The following RGS7 variants were observed in gnomAD, a reference collection of about 807,000 sequenced individuals.
RGS7 encodes the protein regulator of G protein signaling 7.
Under a neutral mutation model 81.1 loss-of-function variants are expected in RGS7, and 27 were observed. The observed-to-expected ratio is 0.33, with a 90% confidence interval of 0.25 to 0.46. The LOEUF is 0.46. RGS7 is among the 20% of genes least tolerant of loss of function. The probability of loss-of-function intolerance (pLI) is 1.00; values close to 1 mark genes in which losing one functional copy is unlikely to be tolerated. For synonymous variants in RGS7, 208 were observed against 207.7 expected, an observed-to-expected ratio of 1.00 and a Z score of -0.01; for missense variants, 396 against 607.4, an observed-to-expected ratio of 0.65 and a Z score of 3.66.
chr1:241,272,856 C>A (rs773189782), intron 2 of RGS7, among the ~76,000 whole-genome samples: 1 of 152,168 alleles, frequency 6.6e-6, no homozygotes, highest in Non-Finnish European at 1.5e-5. Flanking sequence ...CAAAAAAATT[C>A]TCCATTTCTG....
At chr1:240,812,992 A>G (rs1445351465) in intron 13 of RGS7, among the ~76,000 whole-genome samples, 1 of 152,198 alleles carries the variant, frequency 6.6e-6, no homozygotes, top group Non-Finnish European at 1.5e-5. Context: ...GAGACCAGAA[A>G]TGCAATCTAG....
chr1:241,156,006 A>G lies in RGS7; in HGVS notation c.79-57244T>C, dbSNP rs1203393574. Reference sequence around the variant, plus strand: ...CTAGTCAAACATCAATCATAGTCCTACACACAAATGATGTCAAGTGCTAGG... The same window carrying G: ...CTAGTCAAACATCAATCATAGTCCTGCACACAAATGATGTCAAGTGCTAGG... On this transcript the variant is annotated intron_variant, in intron 2 of 18. Coordinates refer to ENST00000440928, the MANE Select transcript of RGS7 (RefSeq NM_001364886.1). Among the ~76,000 whole-genome samples, 3 of 152,132 alleles carry G rather than the reference A, an allele frequency of 2.0e-5. No individual in the cohort carries two copies. In the South Asian group the frequency reaches 6.2e-4, roughly 32 times the overall value.
chr1:241,310,719 T>G (rs998352300), intron 2 of RGS7, among the ~76,000 whole-genome samples: 26 of 152,310 alleles, frequency 1.7e-4, no homozygotes, highest in Non-Finnish European at 5.9e-5. Context: ...CCTTAAATGC[T>G]TCTCTTACCC....
chr1:240,940,982 C>T (rs1021082996), intron 4 of RGS7, among the ~76,000 whole-genome samples: 10 of 152,130 alleles, frequency 6.6e-5, no homozygotes, highest in African/African-American at 2.4e-4. Context: ...TAGTAAAATT[C>T]TCCTTCCTTT....
intron 14 of RGS7, among the ~76,000 whole-genome samples, chr1:240,809,942 G>C (rs1417961948): frequency 6.6e-6 from 1 of 152,092 alleles, no homozygotes; most frequent in Admixed American, 6.6e-5. Flanking sequence ...CTAGAGTCTA[G>C]TACGGCATAG....
At chr1:241,112,107 C>T (rs1338809136) in intron 2 of RGS7, among the ~76,000 whole-genome samples, 1 of 152,068 alleles carries the variant, frequency 6.6e-6, no homozygotes, top group East Asian at 1.9e-4. Context: ...GTATGAAATG[C>T]TCCATCTGAA....
intron 9 of RGS7, among the ~76,000 whole-genome samples, chr1:240,854,019 A>T (rs1434965296): frequency 8.6e-5 from 13 of 151,704 alleles, no homozygotes; most frequent in African/African-American, 7.3e-5. Flanking sequence ...TCTCTTGGGA[A>T]CACTTCTGGA....
intron 2 of RGS7, among the ~76,000 whole-genome samples, chr1:241,156,132 T>TAGATAGATA (rs199745641): frequency 8.0e-4 from 117 of 147,018 alleles, no homozygotes; most frequent in East Asian, 4.7e-3. Context: ...AGATAAATGA[T>TAGATAGATA]GATAGATAGA....
chr1:241,309,253 G>A (rs1418214346), intron 2 of RGS7, among the ~76,000 whole-genome samples: 1 of 151,800 alleles, frequency 6.6e-6, no homozygotes, highest in Non-Finnish European at 1.5e-5. Context: ...GGGCGTGGTG[G>A]CAGGCGCTTG....
intron 3 of RGS7, among the ~76,000 whole-genome samples, chr1:241,038,415 C>G (rs774143851): frequency 2.2e-4 from 34 of 152,178 alleles, no homozygotes; most frequent in Non-Finnish European, 4.1e-4. Flanking sequence ...CAAGCTTGTA[C>G]TTTCACAAGG....
At chr1:241,235,628 C>G (rs934983211) in intron 2 of RGS7, among the ~76,000 whole-genome samples, 9 of 61,024 alleles carry the variant, frequency 1.5e-4, no homozygotes, top group African/African-American at 6.0e-4. Flanking sequence ...TCCCTTTTCT[C>G]TCTTTTTTCT....
intron 2 of RGS7, among the ~76,000 whole-genome samples, chr1:241,135,425 T>C (rs765503509): frequency 6.5e-4 from 99 of 152,128 alleles, no homozygotes; most frequent in Non-Finnish European, 1.2e-3. Flanking sequence ...AGACTCCGTC[T>C]GAACAACAAC....
chr1:240,944,219 G>A (rs1678093658), intron 4 of RGS7, among the ~76,000 whole-genome samples: 1 of 143,930 alleles, frequency 6.9e-6, no homozygotes, highest in African/African-American at 2.6e-5. Flanking sequence ...TAGATAGGTA[G>A]TTCCATCAGC....
intron 6 of RGS7, among the ~76,000 whole-genome samples, chr1:240,871,353 C>T (rs560127611): frequency 6.6e-6 from 1 of 152,228 alleles, no homozygotes; most frequent in African/African-American, 2.4e-5. Context: ...TAACGACGTC[C>T]AGCTGGTATC....
intron 2 of RGS7, among the ~76,000 whole-genome samples, chr1:241,214,085 T>C (rs1200976720): frequency 6.6e-6 from 1 of 152,216 alleles, no homozygotes; most frequent in African/African-American, 2.4e-5. Context: ...CCTTTATATT[T>C]ATCTATGTAT....
intron 2 of RGS7, among the ~76,000 whole-genome samples, chr1:241,226,244 G>C (rs977819111): frequency 1.1e-4 from 16 of 152,156 alleles, no homozygotes; most frequent in African/African-American, 3.6e-4. Flanking sequence ...CAAATAAAAT[G>C]TCCGCGGGAA....
At chr1:240,938,761 C>A (rs923790622) in intron 4 of RGS7, among the ~76,000 whole-genome samples, 2 of 152,106 alleles carry the variant, frequency 1.3e-5, no homozygotes, top group Admixed American at 1.3e-4. Flanking sequence ...GCAGTCAAGT[C>A]TCTCTGTATA....
At chr1:241,203,564 T>C (rs2073674010) in intron 2 of RGS7, among the ~76,000 whole-genome samples, 1 of 152,090 alleles carries the variant, frequency 6.6e-6, no homozygotes, top group Non-Finnish European at 1.5e-5. Context: ...GATCCTCTGG[T>C]TTTCTGTTGA....
intron 4 of RGS7, among the ~76,000 whole-genome samples, chr1:240,940,550 T>C (rs767502567): frequency 6.6e-6 from 1 of 152,190 alleles, no homozygotes; most frequent in East Asian, 1.9e-4. Context: ...CCTGGGAAGA[T>C]AGTGTTAGCA....
Sources: allele counts gnomAD v4.1 joint callset (sites outside exome capture counted in the v4.1 genomes callset), GRCh38; gene constraint gnomAD v4.1.1; transcripts MANE v1.5; gene names NCBI Gene and HGNC (gene_info 2026-07-23, HGNC 2026-07-21).